Variants in PTPRN2 observed in about 807,000 individuals in gnomAD.
PTPRN2 encodes protein tyrosine phosphatase receptor type N2, also known as receptor-type tyrosine-protein phosphatase N2.
A neutral mutation model predicts 118.8 loss-of-function variants in PTPRN2; 74 were observed. The ratio of observed to expected loss-of-function variants is 0.62; its 90% CI spans 0.52 to 0.76. The LOEUF is 0.76. PTPRN2 is among the 30% of genes least tolerant of loss of function. The pLI, the probability that PTPRN2 is intolerant of heterozygous loss-of-function variation, is 0.00. For missense variants in PTPRN2, 1,481 were observed against 1,394.4 expected, an observed-to-expected ratio of 1.06 and a Z score of -0.99; for synonymous variants, 641 against 608.0, an observed-to-expected ratio of 1.05 and a Z score of -0.80.
At chr7:157,605,264 G>A (rs973141328) in intron 15 of PTPRN2, among the ~76,000 whole-genome samples, 3 of 152,208 alleles carry the variant, frequency 2.0e-5, no homozygotes, top group South Asian at 2.1e-4. Context: ...GCATGGGTGC[G>A]GGCTCTCTGT....
At chr7:158,440,734 ATGACAGTGGTGG>A (rs1224731329) in intron 2 of PTPRN2, among the ~76,000 whole-genome samples, 1 of 135,362 alleles carries the variant, frequency 7.4e-6, no homozygotes, top group Non-Finnish European at 1.5e-5. Flanking sequence ...GGTGGTGATG[ATGACAGTGGTGG>A]TGACAGTGGT....
At chr7:158,074,623 C>G (rs913985977) in intron 11 of PTPRN2, among the ~76,000 whole-genome samples, 2 of 152,106 alleles carry the variant, frequency 1.3e-5, no homozygotes, top group African/African-American at 2.4e-5. Flanking sequence ...CGACGTGGCT[C>G]CCGAGGTGGA....
chr7:158,009,003 C>T (rs1805857248), intron 11 of PTPRN2, among the ~76,000 whole-genome samples: 1 of 152,188 alleles, frequency 6.6e-6, no homozygotes, highest in African/African-American at 2.4e-5. Flanking sequence ...TAGCTCCCCG[C>T]ACTCCCTGCA....
chr7:158,415,379 C>T (rs768807488), intron 2 of PTPRN2, among the ~76,000 whole-genome samples: 16 of 152,306 alleles, frequency 1.1e-4, no homozygotes, highest in Non-Finnish European at 2.4e-4. Flanking sequence ...AGGGTCACCC[C>T]AGGCCCTACC....
intron 3 of PTPRN2, among the ~76,000 whole-genome samples, chr7:158,209,428 C>A (rs1158171876): frequency 1.3e-5 from 2 of 152,026 alleles, no homozygotes; most frequent in Admixed American, 1.3e-4. Context: ...AAATAGATTT[C>A]AAGACAAAAC....
chr7:158,246,521 C>G (rs894214182), intron 3 of PTPRN2, among the ~76,000 whole-genome samples: 3 of 150,724 alleles, frequency 2.0e-5, no homozygotes, highest in Admixed American at 1.3e-4. Context: ...AAAATGTGAG[C>G]GTTTCACAAG....
intron 12 of PTPRN2, among the ~76,000 whole-genome samples, chr7:157,892,921 C>T (rs778390297): frequency 9.2e-5 from 14 of 152,324 alleles, no homozygotes; most frequent in Non-Finnish European, 1.3e-4. Context: ...AGAACCCAGC[C>T]GTCACCTGCA....
At chr7:158,449,471 C>T (rs544516728) in intron 2 of PTPRN2, among the ~76,000 whole-genome samples, 4 of 152,320 alleles carry the variant, frequency 2.6e-5, no homozygotes, top group East Asian at 1.9e-4. Flanking sequence ...AGACACACAG[C>T]GCAGTCTGAG....
intron 1 of PTPRN2, among the ~76,000 whole-genome samples, chr7:158,545,208 C>G (rs1224002346): frequency 1.3e-5 from 2 of 152,244 alleles, no homozygotes; most frequent in Non-Finnish European, 2.9e-5. Context: ...CTCAGAGCCT[C>G]TATCCACCCA....
intron 2 of PTPRN2, among the ~76,000 whole-genome samples, chr7:158,448,714 G>T (rs1275584754): frequency 1.3e-5 from 2 of 152,212 alleles, no homozygotes; most frequent in East Asian, 3.9e-4. Context: ...GCCCCAGTGA[G>T]AGTTCCCCTG....
chr7:158,321,300 C>G (rs767713477), intron 2 of PTPRN2, among the ~76,000 whole-genome samples: 13 of 152,198 alleles, frequency 8.5e-5, no homozygotes, highest in Non-Finnish European at 1.8e-4. Flanking sequence ...CCGTAACCCT[C>G]AGGCCCCTCC....
chr7:157,709,564 G>C (rs539352394), intron 12 of PTPRN2, among the ~76,000 whole-genome samples: 1 of 152,246 alleles, frequency 6.6e-6, no homozygotes, highest in East Asian at 1.9e-4. Flanking sequence ...AATTCCCTGC[G>C]AGCCCCCCAG....
chr7:158,129,102 C>T, intron 9 of PTPRN2, among the ~76,000 whole-genome samples: 1 of 150,186 alleles, frequency 6.7e-6, no homozygotes. Flanking sequence ...ACACTACACA[C>T]CACACACAAC....
At chr7:158,218,492 C>A (rs535590428) in intron 3 of PTPRN2, among the ~76,000 whole-genome samples, 4 of 152,140 alleles carry the variant, frequency 2.6e-5, no homozygotes, top group Middle Eastern at 3.2e-3. Flanking sequence ...AACACAAATA[C>A]GTAGCTCACT....
At chr7:158,035,024 C>G (rs1484972525) in intron 11 of PTPRN2, among the ~76,000 whole-genome samples, 1 of 152,246 alleles carries the variant, frequency 6.6e-6, no homozygotes, top group African/African-American at 2.4e-5. Context: ...TTCTTCCAGG[C>G]TCACTCTCCA....
At chr7:158,488,888 T>C (rs1313925428) in intron 2 of PTPRN2, among the ~76,000 whole-genome samples, 1 of 152,210 alleles carries the variant, frequency 6.6e-6, no homozygotes, top group Non-Finnish European at 1.5e-5. Context: ...CCAGCGCTTT[T>C]CTGAGGATAC....
intron 1 of PTPRN2, among the ~76,000 whole-genome samples, chr7:158,583,491 G>A (rs1311413846): frequency 6.6e-6 from 1 of 151,912 alleles, no homozygotes; most frequent in East Asian, 1.9e-4. Flanking sequence ...TCCCTGGCAG[G>A]CACCACTGAC....
At chr7:158,273,481 G>A (rs114834330) in intron 3 of PTPRN2, among the ~76,000 whole-genome samples, 1,587 of 71,590 alleles carry the variant, frequency 0.022, 87 homozygotes, top group African/African-American at 0.038. Flanking sequence ...CGCAGGCACA[G>A]GGGGAGCCGC....
intron 2 of PTPRN2, among the ~76,000 whole-genome samples, chr7:158,326,595 C>T (rs1387093981): frequency 2.0e-5 from 3 of 151,952 alleles, no homozygotes; most frequent in East Asian, 3.9e-4. Flanking sequence ...CACATGCTCT[C>T]ACAGGCACAC....
Sources: allele counts gnomAD v4.1 joint callset (sites outside exome capture counted in the v4.1 genomes callset), GRCh38; gene constraint gnomAD v4.1.1; transcripts MANE v1.5; gene names NCBI Gene and HGNC (gene_info 2026-07-23, HGNC 2026-07-21).